Variants in TMEM117 observed in about 807,000 individuals in gnomAD.
The protein encoded by TMEM117 is transmembrane protein 117.
Under a neutral mutation model 52.4 loss-of-function variants are expected in TMEM117, and 27 were observed. That is an observed-to-expected ratio of 0.51 (90% confidence interval 0.38 to 0.71). TMEM117 has a LOEUF of 0.71. Among genes scored for constraint, TMEM117 ranks in the 30% least tolerant of loss-of-function variants. The probability of loss-of-function intolerance (pLI) is 0.00; values close to 1 mark genes in which losing one functional copy is unlikely to be tolerated. For synonymous variants in TMEM117, 215 were observed against 206.3 expected, an observed-to-expected ratio of 1.04 and a Z score of -0.36; for missense variants, 556 against 630.5, an observed-to-expected ratio of 0.88 and a Z score of 1.26.
intron 2 of TMEM117, among the ~76,000 whole-genome samples, chr12:43,941,944 G>A (rs980536515): frequency 2.0e-5 from 3 of 152,160 alleles, no homozygotes; most frequent in Admixed American, 1.3e-4. Flanking sequence ...ATTATTATTT[G>A]ACTCTTAACA....
intron 3 of TMEM117, among the ~76,000 whole-genome samples, chr12:43,989,441 A>C (rs1327569878): frequency 6.6e-6 from 1 of 152,092 alleles, no homozygotes; most frequent in Non-Finnish European, 1.5e-5. Context: ...CTCTACTGCT[A>C]CATTTTTTTT....
At chr12:44,204,620 A>G (rs1949539900) in intron 4 of TMEM117, among the ~76,000 whole-genome samples, 1 of 152,206 alleles carries the variant, frequency 6.6e-6, no homozygotes, top group African/African-American at 2.4e-5. Context: ...CAAACAGCAC[A>G]AAATCAGAGG....
chr12:44,024,136 T>A (rs1265949019), intron 3 of TMEM117, among the ~76,000 whole-genome samples: 3 of 152,202 alleles, frequency 2.0e-5, no homozygotes, highest in East Asian at 3.8e-4. Context: ...CTTGTGAGCC[T>A]AAGCGTAATA....
At chr12:44,217,005 A>G (rs931451680) in intron 5 of TMEM117, among the ~76,000 whole-genome samples, 1 of 152,236 alleles carries the variant, frequency 6.6e-6, no homozygotes, top group African/African-American at 2.4e-5. Flanking sequence ...TATCATAGTT[A>G]TTAAAGTTTA....
chr12:44,247,115 G>C (rs184337396), intron 5 of TMEM117, among the ~76,000 whole-genome samples: 1 of 152,280 alleles, frequency 6.6e-6, no homozygotes, highest in East Asian at 1.9e-4. Flanking sequence ...AGAAAGTATT[G>C]GCATAGGCAA....
At chr12:44,284,083 C>A (rs373813708) in intron 5 of TMEM117, among the ~76,000 whole-genome samples, 2 of 152,078 alleles carry the variant, frequency 1.3e-5, no homozygotes, top group South Asian at 2.1e-4. Context: ...GGGAGGCTGA[C>A]GCGGGCAGAC....
In TMEM117 at chr12:43,844,517, C is replaced by T. The variant is rs1943166903; in HGVS notation, c.-28-107C>T. 5 of 1,063,266 alleles carry T rather than the reference C, an allele frequency of 4.7e-6. No homozygotes were observed. In the East Asian group the frequency reaches 1.2e-4, roughly 26 times the overall value. The allele number at this position is 1,063,266 out of a possible 1,614,324, so 65.9% of individuals were successfully genotyped here. ...AGCCATGAGTAGGAACAGGTATCAT[C>T]TTTTCCAAATACATTTTTATGGAAC... On this transcript the variant is annotated intron_variant, in intron 1 of 7. Coordinates refer to ENST00000266534, the MANE Select transcript of TMEM117 (RefSeq NM_032256.3).
intron 6 of TMEM117, among the ~76,000 whole-genome samples, chr12:44,303,338 C>T (rs957497358): frequency 2.6e-5 from 4 of 152,032 alleles, no homozygotes; most frequent in African/African-American, 7.2e-5. Flanking sequence ...CATGAGCCAC[C>T]GTGCCCAGCT....
intron 3 of TMEM117, among the ~76,000 whole-genome samples, chr12:44,128,415 T>C (rs1338349412): frequency 1.3e-5 from 2 of 152,226 alleles, no homozygotes. Context: ...TTGCAAGTCT[T>C]TTTTCATTTG....
At chr12:44,018,063 G>C (rs1946399694) in intron 3 of TMEM117, among the ~76,000 whole-genome samples, 1 of 152,072 alleles carries the variant, frequency 6.6e-6, no homozygotes, top group African/African-American at 2.4e-5. Flanking sequence ...TGTGCTGGCT[G>C]CTCTTGGTGA....
rs1188875627 is a variant in TMEM117 at position 43,970,272 on chromosome 12, CTTTA to C, written c.410+25942_410+25945del. 2.9e-4 allele frequency among the ~76,000 whole-genome samples: 42 copies of C among 143,108 alleles called. No homozygotes were observed. The East Asian group carries it at 8.3e-3, about 28-fold the overall frequency. The allele number at this position is 143,108 out of a possible 152,430, so 93.9% of individuals were successfully genotyped here. On this transcript the variant is annotated intron_variant, in intron 3 of 7. Coordinates refer to ENST00000266534, the MANE Select transcript of TMEM117 (RefSeq NM_032256.3). ...GTGGCCTGTTGTTATAATTGCTCTCCTTTATTTATTTATTTTTATTATTAATTTT... is the reference window on the plus strand; with the variant it reads ...GTGGCCTGTTGTTATAATTGCTCTCCTTTATTTATTTTTATTATTAATTTT...
intron 4 of TMEM117, among the ~76,000 whole-genome samples, chr12:44,186,650 A>G (rs1949281973): frequency 6.6e-6 from 1 of 152,144 alleles, no homozygotes; most frequent in Non-Finnish European, 1.5e-5. Flanking sequence ...GTTTCATGTA[A>G]CTTTGAGTTA....
At chr12:44,063,030 G>A (rs1287464043) in intron 3 of TMEM117, among the ~76,000 whole-genome samples, 2 of 152,150 alleles carry the variant, frequency 1.3e-5, no homozygotes, top group Non-Finnish European at 1.5e-5. Context: ...TGCACCTGCT[G>A]TACGGAGACA....
chr12:44,006,442 T>C (rs1212716055), intron 3 of TMEM117, among the ~76,000 whole-genome samples: 1 of 152,184 alleles, frequency 6.6e-6, no homozygotes, highest in Non-Finnish European at 1.5e-5. Context: ...TTGAATCCTC[T>C]CTTGCTGTTA....
intron 6 of TMEM117, among the ~76,000 whole-genome samples, chr12:44,341,931 A>C (rs1474108353): frequency 3.3e-5 from 5 of 152,142 alleles, no homozygotes; most frequent in Admixed American, 3.3e-4. Flanking sequence ...GAGTTCTCTC[A>C]TCATGAAAAC....
intron 2 of TMEM117, among the ~76,000 whole-genome samples, chr12:43,906,828 C>A (rs552191471): frequency 7.9e-5 from 12 of 152,202 alleles, no homozygotes; most frequent in Non-Finnish European, 1.2e-4. Flanking sequence ...TATCCTGCAC[C>A]TGGCTCGGAG....
chr12:44,258,560 A>C (rs1950286427), intron 5 of TMEM117, among the ~76,000 whole-genome samples: 1 of 152,188 alleles, frequency 6.6e-6, no homozygotes, highest in Non-Finnish European at 1.5e-5. Context: ...ACAGAAGAAA[A>C]ATCAACCTTG....
intron 3 of TMEM117, among the ~76,000 whole-genome samples, chr12:44,085,379 A>G (rs1387650865): frequency 6.6e-6 from 1 of 152,220 alleles, no homozygotes; most frequent in Non-Finnish European, 1.5e-5. Flanking sequence ...AAATGTAGAT[A>G]CAGAACATGT....
At chr12:44,367,313 A>G (rs946293164) in intron 6 of TMEM117, among the ~76,000 whole-genome samples, 1 of 152,080 alleles carries the variant, frequency 6.6e-6, no homozygotes, top group Non-Finnish European at 1.5e-5. Context: ...AGGTCTTATC[A>G]ATATCAACAA....
Sources: allele counts gnomAD v4.1 joint callset (sites outside exome capture counted in the v4.1 genomes callset), GRCh38; gene constraint gnomAD v4.1.1; transcripts MANE v1.5; gene names NCBI Gene and HGNC (gene_info 2026-07-23, HGNC 2026-07-21).